Variants in ROR1 observed in about 807,000 individuals in gnomAD.
The protein encoded by ROR1 is ROR family WNT receptor 1.
In ROR1, 19 loss-of-function variants were observed where a neutral mutation model predicts 78.8. That is an observed-to-expected ratio of 0.24 (90% CI 0.17 to 0.35). The LOEUF (loss-of-function observed/expected upper bound fraction) is 0.35, where lower values mean the gene tolerates loss of function less well. Among genes scored for constraint, ROR1 ranks in the 10% least tolerant of loss-of-function variants. ROR1 has a pLI of 1.00. For synonymous variants in ROR1, 386 were observed against 433.6 expected (o/e 0.89, Z 1.36); for missense variants, 917 against 1,177.8 (o/e 0.78, Z 3.24).
intron 1 of ROR1, among the ~76,000 whole-genome samples, chr1:63,883,659 C>T (rs1358268261): frequency 1.3e-5 from 2 of 152,192 alleles, no homozygotes; most frequent in African/African-American, 2.4e-5. Context: ...TGATTGGCAT[C>T]CTCTGCCATT....
chr1:63,948,676 G>A (rs1645910057), intron 1 of ROR1, among the ~76,000 whole-genome samples: 1 of 152,224 alleles, frequency 6.6e-6, no homozygotes, highest in African/African-American at 2.4e-5. Flanking sequence ...GATGGTATTA[G>A]GAGATGGGGC....
At chr1:64,119,044 G>A (rs911893793) in intron 4 of ROR1, among the ~76,000 whole-genome samples, 1 of 152,216 alleles carries the variant, frequency 6.6e-6, no homozygotes, top group Non-Finnish European at 1.5e-5. Context: ...AATGTGAAAA[G>A]GACATTTCAC....
rs1235037457 is a variant in ROR1, at chr1:64,177,867, A to G, written c.1826A>G (p.His609Arg). 1 of 1,614,044 alleles carries G rather than the reference A, an allele frequency of 6.2e-7. No homozygotes were observed. The highest frequency in any genetic ancestry group is 8.5e-7 in the Non-Finnish European group (1 of 1,180,036). The part of the protein sequence containing the change: ...IAAGMEYLSS[H>R]FFVHKDLAAR... ...GCTGGCATGGAATACCTGTCTAGTC[A>G]CTTCTTTGTCCACAAGGACCTTGCA... The change falls in exon 9 of 9, where the codon CAC (histidine) becomes CGC (arginine). Residue 609 changes from histidine (H) to arginine (R), a missense_variant. Physicochemically the swap from His to Arg is conservative, Grantham distance 29 (BLOSUM62 0). This residue lies in a region of ROR1 where 835 missense variants were observed against 1,069.8 expected (regional missense o/e 0.78). Transcript: ENST00000371079.
rs1645880085 is a variant in ROR1, at chr1:63,945,540, T to C, written c.92-63765T>C. Among the ~76,000 whole-genome samples the C allele has an allele frequency of 1.3e-5, 2 of 152,180 alleles. 1 individual carries two copies. The highest frequency in any genetic ancestry group is 2.9e-5 in the Non-Finnish European group (2 of 68,034). On this transcript the variant is annotated intron_variant, in intron 1 of 8. Transcript: ENST00000371079. The stretch of plus-strand genomic sequence containing the variant: ...GGGAGCAGGCTCACCCATTGTTTAA[T>C]GTTGTTTCCTTCTAGTACCAGAATC...
intron 8 of ROR1, among the ~76,000 whole-genome samples, 182 bp from the exon 9 acceptor site, chr1:64,177,246 A>G (rs1205272296): frequency 6.6e-6 from 1 of 152,242 alleles, no homozygotes; most frequent in African/African-American, 2.4e-5. Context: ...GTAGTGATGG[A>G]AAGTTGTCTA....
chr1:63,868,298 C>G (rs1645229557), intron 1 of ROR1, among the ~76,000 whole-genome samples: 1 of 152,086 alleles, frequency 6.6e-6, no homozygotes, highest in Non-Finnish European at 1.5e-5. Context: ...GACCATAGTT[C>G]AGGGATTACT....
chr1:64,086,434 TGAG>T (rs1647155947), intron 4 of ROR1, among the ~76,000 whole-genome samples: 1 of 152,228 alleles, frequency 6.6e-6, no homozygotes, highest in Admixed American at 6.5e-5. Context: ...GTCTAGTTGT[TGAG>T]GATAGAGCCC....
At chr1:63,946,971 T>C (rs1284252704) in intron 1 of ROR1, among the ~76,000 whole-genome samples, 2 of 152,174 alleles carry the variant, frequency 1.3e-5, no homozygotes, top group Non-Finnish European at 2.9e-5. Flanking sequence ...GAAGCTACCA[T>C]GATTCACCAG....
At chr1:63,994,240 A>G (rs1570030021) in intron 1 of ROR1, among the ~76,000 whole-genome samples, 1 of 151,800 alleles carries the variant, frequency 6.6e-6, no homozygotes, top group East Asian at 1.9e-4. Context: ...TTTGCTTACT[A>G]TATTGTAGCC....
intron 4 of ROR1, among the ~76,000 whole-genome samples, chr1:64,052,927 T>C (rs148537098): frequency 6.6e-6 from 1 of 152,060 alleles, no homozygotes; most frequent in Non-Finnish European, 1.5e-5. Flanking sequence ...TCTCTAGGAG[T>C]TCTTCACTTC....
chr1:64,010,652 T>TC (rs1215090541), intron 2 of ROR1, among the ~76,000 whole-genome samples: 1 of 152,166 alleles, frequency 6.6e-6, no homozygotes, highest in East Asian at 1.9e-4. Context: ...TTTGGTTGTG[T>TC]CCCCACCCAA....
At chr1:64,084,761 C>CAA (rs1647136984) in intron 4 of ROR1, among the ~76,000 whole-genome samples, 1 of 152,220 alleles carries the variant, frequency 6.6e-6, no homozygotes, top group African/African-American at 2.4e-5. Flanking sequence ...CTTCAACAGA[C>CAA]AAAGCTCTTT....
At chr1:64,132,614 G>A (rs1159596827) in intron 4 of ROR1, among the ~76,000 whole-genome samples, 1 of 151,880 alleles carries the variant, frequency 6.6e-6, no homozygotes, top group Non-Finnish European at 1.5e-5. Context: ...ACAAAAATTA[G>A]CCAGGCATGG....
intron 1 of ROR1, among the ~76,000 whole-genome samples, chr1:63,839,468 A>G (rs912451801): frequency 4.6e-5 from 7 of 152,204 alleles, no homozygotes; most frequent in Non-Finnish European, 8.8e-5. Flanking sequence ...AAAAAGTATA[A>G]GAAGGCTCTG....
At chr1:64,172,715 AT>A (rs1650274673) in intron 8 of ROR1, among the ~76,000 whole-genome samples, 1 of 152,216 alleles carries the variant, frequency 6.6e-6, no homozygotes, top group South Asian at 2.1e-4. Flanking sequence ...AACTAAACAG[AT>A]TTATAACCCC....
At chr1:63,963,409 A>C (rs1463326769) in intron 1 of ROR1, among the ~76,000 whole-genome samples, 5 of 152,062 alleles carry the variant, frequency 3.3e-5, no homozygotes, top group Admixed American at 2.6e-4. Flanking sequence ...CTCTACTAAA[A>C]AATACAAAAA....
chr1:64,142,207 G>A (rs924697722), intron 6 of ROR1, among the ~76,000 whole-genome samples, 198 bp from the exon 7 acceptor site: 1 of 152,154 alleles, frequency 6.6e-6, no homozygotes, highest in Non-Finnish European at 1.5e-5. Flanking sequence ...AATCCTCCCA[G>A]GAATGTAACT....
At chr1:63,909,431 T>C (rs889998706) in intron 1 of ROR1, among the ~76,000 whole-genome samples, 2 of 152,210 alleles carry the variant, frequency 1.3e-5, no homozygotes, top group African/African-American at 4.8e-5. Context: ...GATAGGTGAA[T>C]TAAAGGATTC....
chr1:63,955,602 G>A (rs969947058), intron 1 of ROR1, among the ~76,000 whole-genome samples: 1 of 152,108 alleles, frequency 6.6e-6, no homozygotes, highest in Non-Finnish European at 1.5e-5. Context: ...TCCTGTTTTT[G>A]TGTTTCTTTT....
Sources: allele counts gnomAD v4.1 joint callset (sites outside exome capture counted in the v4.1 genomes callset), GRCh38; gene constraint gnomAD v4.1.1; regional missense constraint gnomAD v4.1.1; transcripts MANE v1.5; gene names NCBI Gene and HGNC (gene_info 2026-07-23, HGNC 2026-07-21).